Variants in MSRB3 observed in about 807,000 individuals in gnomAD.
MSRB3 encodes methionine-R-sulfoxide reductase B3.
In MSRB3, 13 loss-of-function variants were observed where a neutral mutation model predicts 21.0. That is an observed-to-expected ratio of 0.62 (90% CI 0.40 to 0.98). The LOEUF is 0.98. MSRB3 is among the 50% of genes least tolerant of loss of function. MSRB3 has a pLI of 0.00. For synonymous variants in MSRB3, 87 were observed against 88.6 expected, an observed-to-expected ratio of 0.98 and a Z score of 0.10; for missense variants, 199 against 230.3, an observed-to-expected ratio of 0.86 and a Z score of 0.88.
chr12:65,313,373 C>T (rs1874099202), intron 2 of MSRB3, among the ~76,000 whole-genome samples: 2 of 152,098 alleles, frequency 1.3e-5, no homozygotes, highest in South Asian at 4.1e-4. Context: ...GTGTGCTGTT[C>T]ACTTACTGAA....
At chr12:65,368,334 A>C (rs543862116) in intron 4 of MSRB3, among the ~76,000 whole-genome samples, 1 of 152,312 alleles carries the variant, frequency 6.6e-6, no homozygotes, top group East Asian at 1.9e-4. Context: ...GATATAGACA[A>C]TGCTGTTTTA....
intron 5 of MSRB3, among the ~76,000 whole-genome samples, chr12:65,425,743 TG>T (rs773721719): frequency 2.6e-5 from 4 of 152,328 alleles, no homozygotes; most frequent in Admixed American, 6.5e-5. Flanking sequence ...TTAATAGTTT[TG>T]TCTTTTAACT....
intron 1 of MSRB3, among the ~76,000 whole-genome samples, chr12:65,292,785 C>T (rs1339676083): frequency 6.6e-6 from 1 of 152,048 alleles, no homozygotes; most frequent in Non-Finnish European, 1.5e-5. Flanking sequence ...GTGTGGTGCT[C>T]TTCTAGATTT....
chr12:65,287,040 A>T (rs1053522201), intron 1 of MSRB3, among the ~76,000 whole-genome samples: 3 of 149,334 alleles, frequency 2.0e-5, no homozygotes, highest in Non-Finnish European at 4.5e-5. Flanking sequence ...AAAAAAAAAA[A>T]AAAAAGCAAA....
chr12:65,294,503 G>A (rs978700796), intron 1 of MSRB3, among the ~76,000 whole-genome samples: 2 of 152,160 alleles, frequency 1.3e-5, no homozygotes, highest in African/African-American at 4.8e-5. Flanking sequence ...GATGGGAACT[G>A]GTGGGAATCT....
intron 2 of MSRB3, among the ~76,000 whole-genome samples, chr12:65,312,105 C>T (rs568316557): frequency 6.6e-6 from 1 of 151,998 alleles, no homozygotes; most frequent in African/African-American, 2.4e-5. Flanking sequence ...CCTTAACTTG[C>T]GTGACCTTGA....
chr12:65,418,296 G>T (rs536923799), intron 5 of MSRB3, among the ~76,000 whole-genome samples: 1 of 152,074 alleles, frequency 6.6e-6, no homozygotes, highest in South Asian at 2.1e-4. Flanking sequence ...GTAGAAACAG[G>T]GTTTTGGGAA....
chr12:65,381,489 T>C (rs1282895505), intron 5 of MSRB3, among the ~76,000 whole-genome samples: 5 of 152,156 alleles, frequency 3.3e-5, no homozygotes. Context: ...ATTTTTAACA[T>C]CTTGCTCCAG....
intron 1 of MSRB3, chr12:65,279,078 G>A: frequency 3.6e-6 from 5 of 1,405,604 alleles, no homozygotes; most frequent in Non-Finnish European, 4.6e-6. Context: ...GGAGGTCAGG[G>A]CTGGTTTCCC....
chr12:65,443,736 T>A (rs1218301035), intron 5 of MSRB3, among the ~76,000 whole-genome samples: 2 of 152,130 alleles, frequency 1.3e-5, no homozygotes, highest in East Asian at 3.9e-4. Context: ...TAACTGTTTT[T>A]CAGTGTACAG....
chr12:65,403,744 G>A (rs1240034749), intron 5 of MSRB3, among the ~76,000 whole-genome samples: 1 of 152,198 alleles, frequency 6.6e-6, no homozygotes, highest in Non-Finnish European at 1.5e-5. Flanking sequence ...GTAGGCACCT[G>A]AGGGAATCTC....
intron 5 of MSRB3, among the ~76,000 whole-genome samples, chr12:65,440,982 T>C (rs1348171773): frequency 1.3e-5 from 2 of 151,932 alleles, no homozygotes; most frequent in African/African-American, 4.8e-5. Flanking sequence ...GACAAAATAA[T>C]ATGTCAAAGT....
chr12:65,300,223 G>A (rs543326498), intron 1 of MSRB3, among the ~76,000 whole-genome samples: 21 of 152,290 alleles, frequency 1.4e-4, no homozygotes, highest in African/African-American at 4.3e-4. Context: ...AAGCTACTCA[G>A]TCACTTTTGC....
intron 1 of MSRB3, among the ~76,000 whole-genome samples, chr12:65,299,905 T>C (rs968960016): frequency 6.6e-6 from 1 of 152,240 alleles, no homozygotes; most frequent in Non-Finnish European, 1.5e-5. Context: ...TATATTGTTA[T>C]GACTATGTGC....
intron 5 of MSRB3, among the ~76,000 whole-genome samples, chr12:65,450,340 G>A (rs943638469): frequency 6.6e-6 from 1 of 152,104 alleles, no homozygotes; most frequent in Non-Finnish European, 1.5e-5. Context: ...TGCTTCAGTT[G>A]TACTACATAT....
chr12:65,290,793 C>G (rs959581558), intron 1 of MSRB3, among the ~76,000 whole-genome samples: 5 of 152,076 alleles, frequency 3.3e-5, no homozygotes, highest in African/African-American at 1.2e-4. Context: ...TCTTCCTGAG[C>G]TTTGACTTTT....
intron 6 of MSRB3, among the ~76,000 whole-genome samples, chr12:65,459,301 T>C (rs1401407226): frequency 5.9e-5 from 9 of 152,210 alleles, no homozygotes. Flanking sequence ...TTTTCAAAAG[T>C]TAAGCAGTTT....
In MSRB3 at chr12:65,350,036, G is replaced by A. The variant is rs551547270; in HGVS notation, c.264-18962G>A. 2.4e-3 allele frequency among the ~76,000 whole-genome samples: 367 copies of A among 152,052 alleles called. 1 individual carries two copies. Among genetic ancestry groups the A allele is most frequent in the Non-Finnish European group, 3.7e-3 (251 of 67,988 alleles). On this transcript the variant is annotated intron_variant, in intron 4 of 6. Transcript: ENST00000308259. ...TAGGTTTTCTTCTAGGGTTTTTATG[G>A]TTTTAGGTCTAACATTTAAGTCTTT... is the stretch of plus-strand genomic sequence containing the variant.
At chr12:65,435,831 A>C (rs187858769) in intron 5 of MSRB3, among the ~76,000 whole-genome samples, 2 of 151,976 alleles carry the variant, frequency 1.3e-5, no homozygotes, top group Admixed American at 1.3e-4. Context: ...AGGTCTGTGA[A>C]CCCTGAAGCT....
Sources: allele counts gnomAD v4.1 joint callset (sites outside exome capture counted in the v4.1 genomes callset), GRCh38; gene constraint gnomAD v4.1.1; transcripts MANE v1.5; gene names NCBI Gene and HGNC (gene_info 2026-07-23, HGNC 2026-07-21).